Variants in GALNT18 observed in about 807,000 individuals in gnomAD.
GALNT18 encodes the protein GalNAc-transferase 18.
GALNT18 carries 44 observed loss-of-function variants against 69.5 expected under a neutral mutation model. That is an observed-to-expected ratio of 0.63 (90% CI 0.50 to 0.81). The LOEUF is 0.81. Among genes scored for constraint, GALNT18 ranks in the 40% least tolerant of loss-of-function variants. The pLI is 0.00. For synonymous variants in GALNT18, 364 were observed against 318.2 expected (o/e 1.14, Z -1.53); for missense variants, 715 against 810.0 (o/e 0.88, Z 1.42).
At chr11:11,422,720 T>C (rs573360544) in intron 3 of GALNT18, among the ~76,000 whole-genome samples, 1 of 152,176 alleles carries the variant, frequency 6.6e-6, no homozygotes, top group Admixed American at 6.5e-5. Flanking sequence ...GACAGAATCT[T>C]TGAAACATTA....
rs1190280352 is a variant in GALNT18, at chr11:11,511,717, T to C, written c.236-62781A>G. 1.3e-5 allele frequency among the ~76,000 whole-genome samples: 2 copies of C among 151,970 alleles called. No homozygotes were observed. The highest frequency in any genetic ancestry group is 2.9e-5 in the Non-Finnish European group (2 of 67,992). On this transcript the variant is annotated intron_variant, in intron 1 of 10. Coordinates refer to ENST00000227756, the MANE Select transcript of GALNT18 (RefSeq NM_198516.3). This position sits in a 1 kb window ranked among gnomAD's most constrained non-coding sequence, Gnocchi z 4.9. ...ATAAGGGTGGAGCCCTCATCAATGG[T>C]ATATTGGTGCCCTTCTAAGAAGAGG... is the stretch of plus-strand genomic sequence containing the variant.
At chr11:11,608,608 G>A (rs924093930) in intron 1 of GALNT18, among the ~76,000 whole-genome samples, 1 of 152,026 alleles carries the variant, frequency 6.6e-6, no homozygotes, top group Non-Finnish European at 1.5e-5. Flanking sequence ...TGATCCACCC[G>A]TCTCGGCCTC....
At chr11:11,348,112 T>A (rs1367297530) in intron 6 of GALNT18, among the ~76,000 whole-genome samples, 1 of 152,072 alleles carries the variant, frequency 6.6e-6, no homozygotes, top group Non-Finnish European at 1.5e-5. Context: ...GCATGGTGGC[T>A]AACGCCTGTA....
intron 6 of GALNT18, among the ~76,000 whole-genome samples, chr11:11,348,968 C>A (rs188685453): frequency 6.6e-5 from 10 of 152,288 alleles, no homozygotes; most frequent in Non-Finnish European, 1.3e-4. Flanking sequence ...TTTGGCAGTA[C>A]CTTAGAAACC....
At position 11,356,264 on chromosome 11, in the gene GALNT18, A is replaced by G. The variant is rs746033898; in HGVS notation, c.1093-15260T>C. Among the ~76,000 whole-genome samples, 4 of 152,188 alleles carry G rather than the reference A, an allele frequency of 2.6e-5. No homozygotes were observed. Among genetic ancestry groups the G allele is most frequent in the Non-Finnish European group, 5.9e-5 (4 of 68,032 alleles). ...AAGGAACCCTTGCTCAGTTTGTGGC[A>G]GTTCTTCTGAGGAAATGATTCTGGC... On this transcript the variant is annotated intron_variant, in intron 6 of 10. Coordinates refer to ENST00000227756, the MANE Select transcript of GALNT18 (RefSeq NM_198516.3). This position sits in a 1 kb window ranked among gnomAD's most constrained non-coding sequence, Gnocchi z 4.4.
At position 11,583,643 on chromosome 11, in the gene GALNT18, C is replaced by T. The variant is rs1360081492; in HGVS notation, c.235+37716G>A. Among the ~76,000 whole-genome samples the T allele has an allele frequency of 2.0e-5, 3 of 152,158 alleles. No individual in the cohort carries two copies. Among genetic ancestry groups the T allele is most frequent in the Non-Finnish European group, 4.4e-5 (3 of 68,032 alleles). On this transcript the variant is annotated intron_variant, in intron 1 of 10. Coordinates refer to ENST00000227756, the MANE Select transcript of GALNT18 (RefSeq NM_198516.3). The surrounding 1 kb of genome is among the most constrained non-coding windows in gnomAD (Gnocchi z 4.7). ...AAAGACCAGAGGTCCCATGAGACGC[C>T]ACTTCTTCAAATGCCGACATTTTGA...
rs979931835 is a variant in GALNT18 at position 11,339,185 on chromosome 11, C to T, written c.1278+1634G>A. On this transcript the variant is annotated intron_variant, in intron 7 of 10. Coordinates refer to ENST00000227756, the MANE Select transcript of GALNT18 (RefSeq NM_198516.3). The surrounding 1 kb of genome is among the most constrained non-coding windows in gnomAD (Gnocchi z 5.2). ...AACACACTGATCCTTTCCTTCTCCA[C>T]CTAAGGCTTTATCCTGGGCAATTCC... 6.6e-6 allele frequency among the ~76,000 whole-genome samples: 1 copy of T among 152,160 alleles called. No homozygotes were observed. Among genetic ancestry groups the T allele is most frequent in the African/African-American group, 2.4e-5 (1 of 41,436 alleles).
At chr11:11,529,098 G>T (rs1374592764) in intron 1 of GALNT18, among the ~76,000 whole-genome samples, 1 of 152,176 alleles carries the variant, frequency 6.6e-6, no homozygotes, top group African/African-American at 2.4e-5. Context: ...AAAGTTCCAG[G>T]AGGTACTACT....
At chr11:11,273,159 C>G (rs1253895633) in intron 10 of GALNT18, among the ~76,000 whole-genome samples, 1 of 152,134 alleles carries the variant, frequency 6.6e-6, no homozygotes, top group Non-Finnish European at 1.5e-5. Context: ...TTTCTTGAGA[C>G]AGACCTCAAA....
rs182611191 is a variant in GALNT18, at chr11:11,407,765, G to A, written c.595+24856C>T. ...GAAGAGGGAGCATGGCCAAACAAAG[G>A]TTTGGAAAGCTAAAGGAAAAGGGAC... is the stretch of plus-strand genomic sequence containing the variant. On this transcript the variant is annotated intron_variant, in intron 3 of 10. Coordinates refer to ENST00000227756, the MANE Select transcript of GALNT18 (RefSeq NM_198516.3). 2.6e-5 allele frequency among the ~76,000 whole-genome samples: 4 copies of A among 152,306 alleles called. No individual in the cohort carries two copies. The East Asian group carries it at 5.8e-4, about 22-fold the overall frequency.
rs755451411 is a variant in GALNT18 at position 11,582,857 on chromosome 11, C to T, written c.235+38502G>A. On this transcript the variant is annotated intron_variant, in intron 1 of 10. Transcript: ENST00000227756. This position sits in a 1 kb window ranked among gnomAD's most constrained non-coding sequence, Gnocchi z 5.0. ...GTGAAGAACGGACCCACATCAGCTG[C>T]ACCTCTTTCTCCAACTCCTCACCAC... 1.3e-5 allele frequency among the ~76,000 whole-genome samples: 2 copies of T among 152,202 alleles called. No homozygotes were observed. The highest frequency in any genetic ancestry group is 2.9e-5 in the Non-Finnish European group (2 of 68,034).
rs981837038 is a variant in GALNT18 at position 11,616,282 on chromosome 11, A to G, written c.235+5077T>C. Among the ~76,000 whole-genome samples, 1 of 152,196 alleles carries G rather than the reference A, an allele frequency of 6.6e-6. No homozygotes were observed. Among genetic ancestry groups the G allele is most frequent in the African/African-American group, 2.4e-5 (1 of 41,442 alleles). ...GAATAGAGCATTTGACAGGGATTAC[A>G]TTTACTCGGAAAAATTTGAATGATA... On this transcript the variant is annotated intron_variant, in intron 1 of 10. Transcript: ENST00000227756. This position sits in a 1 kb window ranked among gnomAD's most constrained non-coding sequence, Gnocchi z 4.4.
intron 9 of GALNT18, among the ~76,000 whole-genome samples, chr11:11,304,831 C>T (rs1849553223): frequency 6.6e-6 from 1 of 152,214 alleles, no homozygotes. Flanking sequence ...TCTTTTTGTT[C>T]TCTGCCACTG....
At chr11:11,277,468 T>C (rs904565789) in intron 10 of GALNT18, among the ~76,000 whole-genome samples, 1 of 152,194 alleles carries the variant, frequency 6.6e-6, no homozygotes, top group African/African-American at 2.4e-5. Flanking sequence ...GATTCATTGA[T>C]TGTTTGAAGG....
intron 8 of GALNT18, among the ~76,000 whole-genome samples, chr11:11,329,681 T>G (rs1471318172): frequency 6.6e-6 from 1 of 152,216 alleles, no homozygotes; most frequent in Non-Finnish European, 1.5e-5. Context: ...AGACTGGGTC[T>G]CAGTCTCACT....
At chr11:11,293,346 A>G (rs1449405653) in intron 9 of GALNT18, among the ~76,000 whole-genome samples, 153 bp from the exon 10 acceptor site, 1 of 152,202 alleles carries the variant, frequency 6.6e-6, no homozygotes, top group African/African-American at 2.4e-5. Context: ...ATTATTTTCT[A>G]TTGCAATGGA....
Position 11,372,593 on chromosome 11 carries a change from C to G in GALNT18, c.1014G>C (p.Arg338=), listed in dbSNP as rs773195028. ...PALIGCFIVD[R]QYFQEIGLLD... ...GCAGGCCGATCTCCTGGAAGTACTG[C>G]CGGTCCACAATGAAGCAGCCAATGA... is the stretch of plus-strand genomic sequence containing the variant. Residue 338 remains arginine (R), a synonymous_variant, in exon 6 of 11, where the codon CGG becomes CGC. Coordinates refer to ENST00000227756, the MANE Select transcript of GALNT18 (RefSeq NM_198516.3). The surrounding 1 kb of genome is among the most constrained non-coding windows in gnomAD (Gnocchi z 4.9). The G allele has an allele frequency of 6.2e-7, 1 of 1,614,068 alleles. No individual in the cohort carries two copies. The highest frequency in any genetic ancestry group is 8.5e-7 in the Non-Finnish European group (1 of 1,180,040).
rs568004642 is a variant in GALNT18 at position 11,338,125 on chromosome 11, G to A, written c.1278+2694C>T. ...TGGGATTACAGGCATGTGCCACCAA[G>A]CCTGGCTAATTTTTGTATTTTTAGT... On this transcript the variant is annotated intron_variant, in intron 7 of 10. Coordinates refer to ENST00000227756, the MANE Select transcript of GALNT18 (RefSeq NM_198516.3). The surrounding 1 kb of genome is among the most constrained non-coding windows in gnomAD (Gnocchi z 5.3). Among the ~76,000 whole-genome samples the A allele has an allele frequency of 1.4e-4, 21 of 152,016 alleles. No individual in the cohort carries two copies. The highest frequency in any genetic ancestry group is 4.3e-4 in the African/African-American group (18 of 41,474).
chr11:11,594,923 GTA>G (rs1197152383), intron 1 of GALNT18, among the ~76,000 whole-genome samples: 22 of 120,978 alleles, frequency 1.8e-4, no homozygotes, highest in South Asian at 2.8e-4. Flanking sequence ...ATGCGTGTGT[GTA>G]TATATATATA....
Sources: gnomAD v4.1 joint callset for allele counts (sites outside exome capture counted in the v4.1 genomes callset) on GRCh38, gnomAD v4.1.1 for gene constraint, Gnocchi (gnomAD v3.1) non-coding constraint, MANE v1.5 for transcripts, NCBI Gene and HGNC (gene_info 2026-07-23, HGNC 2026-07-21) for gene names.